Variants in UACA observed in about 807,000 individuals in gnomAD.
UACA encodes the protein nuclear membrane binding protein.
UACA carries 112 observed loss-of-function variants against 160.5 expected under a neutral mutation model. The ratio of observed to expected loss-of-function variants is 0.70; its 90% CI spans 0.60 to 0.82. The LOEUF is 0.82. Among genes scored for constraint, UACA ranks in the 40% least tolerant of loss-of-function variants. The pLI, the probability that UACA is intolerant of heterozygous loss-of-function variation, is 0.00. For synonymous variants in UACA, 557 were observed against 568.4 expected (o/e 0.98, Z 0.29); for missense variants, 1,574 against 1,614.6 (o/e 0.97, Z 0.43).
Position 70,676,590 on chromosome 15 carries a change from C to G in UACA, c.1034G>C (p.Arg345Thr). ...TGCCAAAAGGGACTTCAGCTTTTCT[C>G]TCTGAAATGAAACAGAATAAATACA... ...VMVADDLESE[R>T]EKLKSLLAAK... The change falls in exon 13 of 19, where the codon AGA becomes ACA. Residue 345 changes from arginine to threonine, a missense_variant and splice_region_variant. Arg to Thr is a moderately conservative substitution (Grantham distance 71, BLOSUM62 -1). Transcript: ENST00000322954. 1 of 1,610,664 alleles carries G rather than the reference C, an allele frequency of 6.2e-7. No homozygotes were observed.
chr15:70,690,140 T>C (rs1897877011), intron 5 of UACA, among the ~76,000 whole-genome samples: 1 of 150,990 alleles, frequency 6.6e-6, no homozygotes, highest in Non-Finnish European at 1.5e-5. Flanking sequence ...CGCACACACA[T>C]TCTCTCTCTG....
chr15:70,679,650 T>C lies in UACA; in HGVS notation c.849A>G (p.Glu283=), dbSNP rs1897422488. Residue 283 remains glutamate (E), a synonymous_variant, in exon 10 of 19, where the codon GAA becomes GAG. Coordinates refer to ENST00000322954, the MANE Select transcript of UACA (RefSeq NM_018003.4). ...QQRNLTHMQD[E]VNVKSHQREH... is the part of the protein sequence containing the mutation. Reference sequence around the variant, plus strand: ...CCCTCTGATGTGACTTCACATTTACTTCATCTTGCATGTGTGTCAAATTTC... The same window carrying C: ...CCCTCTGATGTGACTTCACATTTACCTCATCTTGCATGTGTGTCAAATTTC... The C allele has an allele frequency of 6.3e-7, 1 of 1,591,394 alleles. No homozygotes were observed. Among genetic ancestry groups the C allele is most frequent in the Non-Finnish European group, 8.6e-7 (1 of 1,169,416 alleles).
intron 1 of UACA, among the ~76,000 whole-genome samples, chr15:70,758,108 T>A (rs1403126812): frequency 1.3e-5 from 2 of 152,212 alleles, no homozygotes; most frequent in Non-Finnish European, 2.9e-5. Flanking sequence ...ATTAAAAAAC[T>A]AATTAAAATC....
rs559320690 is a variant in UACA at position 70,702,814 on chromosome 15, T to C, written c.79-3154A>G. Among the ~76,000 whole-genome samples, 101 of 152,346 alleles carry C rather than the reference T, an allele frequency of 6.6e-4. 1 individual carries two copies. Among genetic ancestry groups the C allele is most frequent in the African/African-American group, 2.3e-3 (96 of 41,568 alleles). ...TGCTGCCAGTCTGTCTCCTAGCATG[T>C]TAAATGAGAAGAGCCAGAGGCACTG... On this transcript the variant is annotated intron_variant, in intron 1 of 18. Transcript: ENST00000322954.
intron 1 of UACA, among the ~76,000 whole-genome samples, chr15:70,727,542 C>A (rs145186486): frequency 6.6e-6 from 1 of 152,054 alleles, no homozygotes; most frequent in Admixed American, 6.6e-5. Flanking sequence ...GGAGTAGATA[C>A]GTTTACATTA....
intron 1 of UACA, among the ~76,000 whole-genome samples, chr15:70,714,233 AT>A (rs1056593196): frequency 6.6e-6 from 1 of 152,164 alleles, no homozygotes; most frequent in Admixed American, 6.5e-5. Flanking sequence ...GGCTAGAAAT[AT>A]TTCCCCCATT....
chr15:70,763,830 A>G (rs1228596002), upstream of UACA, among the ~76,000 whole-genome samples: 2 of 152,218 alleles, frequency 1.3e-5, no homozygotes, highest in East Asian at 1.9e-4. Context: ...TAGAGAGAGC[A>G]CGGGGTCCCG....
At chr15:70,706,553 A>G (rs1898529885) in intron 1 of UACA, among the ~76,000 whole-genome samples, 1 of 151,822 alleles carries the variant, frequency 6.6e-6, no homozygotes, top group African/African-American at 2.4e-5. Context: ...AAGATTACAG[A>G]TACAAACATA....
At chr15:70,778,504 C>T in the UACA span, among the ~76,000 whole-genome samples, 1 of 152,160 alleles carries the variant, frequency 6.6e-6, no homozygotes, top group South Asian at 2.1e-4. Flanking sequence ...GACCATGTTT[C>T]CACAGTCACA....
intron 15 of UACA, among the ~76,000 whole-genome samples, chr15:70,670,258 A>C (rs55982271): frequency 0.011 from 1,657 of 152,270 alleles, 12 homozygotes; most frequent in Non-Finnish European, 0.016. Flanking sequence ...CCTAGAGAGC[A>C]GGTGCACAAC....
chr15:70,711,536 A>T (rs1447456601), intron 1 of UACA, among the ~76,000 whole-genome samples: 1 of 152,068 alleles, frequency 6.6e-6, no homozygotes, highest in East Asian at 1.9e-4. Context: ...AATAATTACT[A>T]AACACCTATG....
intron 1 of UACA, among the ~76,000 whole-genome samples, chr15:70,713,993 T>C (rs1898756706): frequency 6.6e-6 from 1 of 152,160 alleles, no homozygotes; most frequent in Admixed American, 6.5e-5. Context: ...GGGAAAAATA[T>C]ATATCCTAAA....
chr15:70,691,231 C>T, intron 4 of UACA, 68 bp downstream of exon 4: 1 of 1,140,986 alleles, frequency 8.8e-7, no homozygotes, highest in Admixed American at 2.3e-5. Context: ...ATTCCAAAAA[C>T]ACATTAAAAG....
In UACA at chr15:70,670,897, CA is replaced by C. The variant is rs1468105361; in HGVS notation, c.1221+141del. 4 of 422,232 alleles carry C rather than the reference CA, an allele frequency of 9.5e-6. No homozygotes were observed. In the East Asian group the frequency reaches 1.1e-4, roughly 11 times the overall value. 26.2% of individuals were successfully genotyped at this position (422,232 alleles called of 1,614,324 possible). A position where few individuals can be genotyped will look rare whatever the true frequency, so the allele number is the denominator to read the frequency against. ...TCTGTTTTTATTAAACTCAAGAAAG[CA>C]GGACCAACTTGTCTTTGATAATGAA... is the stretch of plus-strand genomic sequence containing the variant. On this transcript the variant is annotated intron_variant, in intron 15 of 18. Coordinates refer to ENST00000322954, the MANE Select transcript of UACA (RefSeq NM_018003.4).
rs140483075 is a variant in UACA, at chr15:70,718,028, TACACACACACAC to T, written c.79-18380_79-18369del. Among the ~76,000 whole-genome samples, 34 of 142,678 alleles carry T rather than the reference TACACACACACAC, an allele frequency of 2.4e-4. 1 individual carries two copies. In the South Asian group the frequency reaches 5.9e-3, roughly 25 times the overall value. The allele number at this position is 142,678 out of a possible 152,430, so 93.6% of individuals were successfully genotyped here. On this transcript the variant is annotated intron_variant, in intron 1 of 18. Transcript: ENST00000322954. The stretch of plus-strand genomic sequence containing the variant: ...CAATTCCTTAAAATAAATTTCTTTA[TACACACACACAC>T]ACACACACACACACACACATATATA...
In UACA at chr15:70,684,435, A is replaced by G. The variant is rs1897633950; in HGVS notation, c.614T>C (p.Met205Thr). 6.2e-7 allele frequency: 1 copy of G among 1,608,464 alleles called. No homozygotes were observed. ...SRDKQNRTAL[M>T]LGCEYGCRDA... The stretch of plus-strand genomic sequence containing the variant: ...TCTGCAACCATATTCGCAACCTAGC[A>G]TGAGGGCAGTTCTAAATGGAAAAAT... Residue 205 changes from methionine to threonine, a missense_variant, in exon 8 of 19, where the codon ATG becomes ACG. Met to Thr is a moderately conservative substitution (Grantham distance 81). Transcript: ENST00000322954.
At chr15:70,700,252 G>A (rs1898298537) in intron 1 of UACA, among the ~76,000 whole-genome samples, 1 of 138,108 alleles carries the variant, frequency 7.2e-6, no homozygotes, top group Non-Finnish European at 1.5e-5. Context: ...CCCCAACACA[G>A]ACATTTATTT....
intron 13 of UACA, among the ~76,000 whole-genome samples, chr15:70,674,927 T>G (rs902201123): frequency 2.6e-5 from 4 of 152,204 alleles, no homozygotes; most frequent in African/African-American, 9.6e-5. Flanking sequence ...CATGCGAAAG[T>G]CTAGCTCCTA....
At chr15:70,758,257 G>T (rs747537771) in intron 1 of UACA, 3 of 152,142 alleles carry the variant, frequency 2.0e-5, no homozygotes, top group Non-Finnish European at 4.4e-5. Context: ...GGTGAGGGTT[G>T]AAATCAAAAA....
Sources: allele counts gnomAD v4.1 joint callset (sites outside exome capture counted in the v4.1 genomes callset), GRCh38; gene constraint gnomAD v4.1.1; transcripts MANE v1.5; gene names NCBI Gene and HGNC (gene_info 2026-07-23, HGNC 2026-07-21).